Variants in ADGRL3 observed in about 807,000 individuals in gnomAD.
The protein encoded by ADGRL3 is calcium-independent alpha-latrotoxin receptor 3.
Under a neutral mutation model 153.5 loss-of-function variants are expected in ADGRL3, and 62 were observed. That is an observed-to-expected ratio of 0.40 (90% CI 0.33 to 0.50). The LOEUF (loss-of-function observed/expected upper bound fraction) is 0.50, where lower values mean the gene tolerates loss of function less well. Among genes scored for constraint, ADGRL3 ranks in the 20% least tolerant of loss-of-function variants. The probability of loss-of-function intolerance (pLI) is 0.47; values close to 1 mark genes in which losing one functional copy is unlikely to be tolerated. For synonymous variants in ADGRL3, 710 were observed against 672.5 expected, an observed-to-expected ratio of 1.06 and a Z score of -0.86; for missense variants, 1,641 against 1,859.4, an observed-to-expected ratio of 0.88 and a Z score of 2.16.
intron 5 of ADGRL3, among the ~76,000 whole-genome samples, chr4:61,623,127 C>G (rs745392571): frequency 6.6e-6 from 1 of 152,084 alleles, no homozygotes; most frequent in Non-Finnish European, 1.5e-5. Context: ...TGGAATAACA[C>G]GTATACCAAT....
chr4:61,626,027 ACT>A (rs1176854288), intron 5 of ADGRL3, among the ~76,000 whole-genome samples: 1 of 151,892 alleles, frequency 6.6e-6, no homozygotes, highest in Non-Finnish European at 1.5e-5. Flanking sequence ...CTTTCTTAAC[ACT>A]CTACAGTTTA....
At position 61,535,586 on chromosome 4, in the gene ADGRL3, G is replaced by GT. The variant is rs200828275; in HGVS notation, c.259+18076dup. 3.9e-3 allele frequency among the ~76,000 whole-genome samples: 597 copies of GT among 151,776 alleles called. 3 individuals carry two copies. Among genetic ancestry groups the GT allele is most frequent in the African/African-American group, 0.013 (551 of 41,420 alleles). ...GGTCCTGGGATTCTTCTTGTTGGTAGTTTTTTTTACTACTGATTCATTTTC... is the reference window on the plus strand; with the variant it reads ...GGTCCTGGGATTCTTCTTGTTGGTAGTTTTTTTTTACTACTGATTCATTTTC... On this transcript the variant is annotated intron_variant, in intron 4 of 26. Transcript: ENST00000683033.
chr4:61,246,152 G>A (rs9884694), intron 1 of ADGRL3, among the ~76,000 whole-genome samples: 2,367 of 152,076 alleles, frequency 0.016, 38 homozygotes, highest in Middle Eastern at 0.037. Flanking sequence ...CTTGCCAGCT[G>A]TTGAGGCAAC....
chr4:62,058,125 C>T (rs1738052518), intron 25 of ADGRL3, among the ~76,000 whole-genome samples: 1 of 152,296 alleles, frequency 6.6e-6, no homozygotes, highest in South Asian at 2.1e-4. Context: ...CTGTCATTTT[C>T]ACATAACCAC....
chr4:61,399,874 C>T (rs2096909766), intron 2 of ADGRL3, among the ~76,000 whole-genome samples: 1 of 151,636 alleles, frequency 6.6e-6, no homozygotes, highest in African/African-American at 2.4e-5. Flanking sequence ...AGACAAGAAA[C>T]TCAGTTGAAA....
intron 5 of ADGRL3, among the ~76,000 whole-genome samples, chr4:61,671,321 A>T (rs1385795182): frequency 6.6e-6 from 1 of 152,202 alleles, no homozygotes; most frequent in African/African-American, 2.4e-5. Context: ...ACAGTAAATG[A>T]TTATCTTTCC....
intron 9 of ADGRL3, among the ~76,000 whole-genome samples, chr4:61,884,102 T>C (rs1265822725): frequency 6.6e-6 from 1 of 152,216 alleles, no homozygotes; most frequent in African/African-American, 2.4e-5. Flanking sequence ...TGTCACATGA[T>C]AGTTGATTAA....
At chr4:61,532,551 CGCGCGTGTGT>C (rs2098628307) in intron 4 of ADGRL3, among the ~76,000 whole-genome samples, 2 of 130,254 alleles carry the variant, frequency 1.5e-5, no homozygotes, top group Admixed American at 7.6e-5. Flanking sequence ...CGCGCGCGCG[CGCGCGTGTGT>C]GTGTGTGTGT....
intron 8 of ADGRL3, among the ~76,000 whole-genome samples, chr4:61,741,612 T>A (rs2151919180): frequency 6.6e-6 from 1 of 152,370 alleles, no homozygotes; most frequent in Non-Finnish European, 1.5e-5. Flanking sequence ...AATTTTCTCT[T>A]ACGCTTTTTT....
chr4:61,279,076 C>T (rs1005172311), intron 1 of ADGRL3, among the ~76,000 whole-genome samples: 1 of 152,104 alleles, frequency 6.6e-6, no homozygotes, highest in African/African-American at 2.4e-5. Flanking sequence ...ATATTTCAGA[C>T]TCCAGCAGAT....
intron 2 of ADGRL3, among the ~76,000 whole-genome samples, chr4:61,471,717 A>G (rs2152686169): frequency 6.6e-6 from 1 of 152,118 alleles, no homozygotes. Context: ...GTTTCTGACA[A>G]CAGTGCAGTA....
rs1745212476 is a variant in ADGRL3 at position 62,070,365 on chromosome 4, G to A, written c.4089G>A (p.Leu1363=). 6.4e-7 allele frequency: 1 copy of A among 1,552,130 alleles called. No individual in the cohort carries two copies. Among genetic ancestry groups the A allele is most frequent in the Non-Finnish European group, 8.7e-7 (1 of 1,147,104 alleles). ...SEQNRNLMNK[L]VNNLGSGRED... is the part of the protein sequence containing the mutation. ...AGAACAGGAATCTGATGAACAAGCT[G>A]GTGAATAACCTTGGCAGTGGAAGGG... The change falls in exon 27 of 27, where the codon CTG becomes CTA. Residue 1363 remains leucine, a synonymous_variant. Coordinates refer to ENST00000683033, the MANE Select transcript of ADGRL3 (RefSeq NM_001387552.1).
chr4:61,585,157 TAAAG>T (rs1204512646), intron 4 of ADGRL3, among the ~76,000 whole-genome samples: 2 of 151,606 alleles, frequency 1.3e-5, no homozygotes, highest in Non-Finnish European at 1.5e-5. Context: ...GTGCACACAA[TAAAG>T]AAAGAGAGAG....
chr4:61,959,166 T>C (rs540000987), intron 17 of ADGRL3, among the ~76,000 whole-genome samples: 80 of 152,296 alleles, frequency 5.3e-4, no homozygotes, highest in African/African-American at 1.9e-3. Context: ...TTAGTACTAA[T>C]TCTCTTTTGT....
At chr4:61,757,344 CT>C (rs2096847627) in intron 8 of ADGRL3, among the ~76,000 whole-genome samples, 1 of 152,070 alleles carries the variant, frequency 6.6e-6, no homozygotes, top group East Asian at 1.9e-4. Context: ...CTGGTTTAGT[CT>C]TGGGAGGGTG....
At chr4:61,444,895 A>G (rs1364287227) in intron 2 of ADGRL3, among the ~76,000 whole-genome samples, 1 of 151,990 alleles carries the variant, frequency 6.6e-6, no homozygotes, top group Admixed American at 6.6e-5. Context: ...CCTATAAAAA[A>G]TACAAAAATT....
chr4:61,695,356 T>C (rs2095621576), intron 6 of ADGRL3, among the ~76,000 whole-genome samples: 1 of 152,206 alleles, frequency 6.6e-6, no homozygotes, highest in South Asian at 2.1e-4. Context: ...TTAATGTCCT[T>C]GTACATTATC....
chr4:61,662,455 A>G (rs930993785), intron 5 of ADGRL3, among the ~76,000 whole-genome samples: 2 of 152,176 alleles, frequency 1.3e-5, no homozygotes, highest in African/African-American at 4.8e-5. Flanking sequence ...GTGTGTGCAT[A>G]CTCAGGGCAG....
intron 1 of ADGRL3, among the ~76,000 whole-genome samples, chr4:61,284,255 T>G (rs929979977): frequency 6.6e-6 from 1 of 151,968 alleles, no homozygotes; most frequent in Non-Finnish European, 1.5e-5. Context: ...AGTTGTTACT[T>G]CTTTAGAGGT....
Sources: gnomAD v4.1 joint callset for allele counts (sites outside exome capture counted in the v4.1 genomes callset) on GRCh38, gnomAD v4.1.1 for gene constraint, MANE v1.5 for transcripts, NCBI Gene and HGNC (gene_info 2026-07-23, HGNC 2026-07-21) for gene names.